SVEP1: variants seen among roughly 807,000 people sequenced by gnomAD.
The protein encoded by SVEP1 is sushi, von Willebrand factor type A, EGF and pentraxin domain-containing protein 1.
SVEP1 carries 164 observed loss-of-function variants against 367.3 expected under a neutral mutation model. The observed-to-expected ratio is 0.45, with a 90% CI of 0.39 to 0.51. SVEP1 has a LOEUF of 0.51. SVEP1 is among the 20% of genes least tolerant of loss of function. SVEP1 has a pLI of 0.00. For synonymous variants in SVEP1, 1,666 were observed against 1,611.6 expected (o/e 1.03, Z -0.81); for missense variants, 4,117 against 4,425.3 (o/e 0.93, Z 1.98).
chr9:110,554,969 C>T (rs191884633), intron 1 of SVEP1, among the ~76,000 whole-genome samples: 103 of 152,170 alleles, frequency 6.8e-4, no homozygotes, highest in Non-Finnish European at 1.2e-3. Flanking sequence ...TTTCCATATT[C>T]GAAGGGTAAC....
chr9:110,435,442 T>C (rs982540615), intron 28 of SVEP1, 78 bp from the exon 29 acceptor site: 6 of 1,514,410 alleles, frequency 4.0e-6, no homozygotes, highest in Non-Finnish European at 4.4e-6. Context: ...TTTAGTCCTA[T>C]TGAAAACATT....
Position 110,403,640 on chromosome 9 carries a change from T to TA in SVEP1, c.9666+686dup, listed in dbSNP as rs370083824. On this transcript the variant is annotated intron_variant, in intron 39 of 47. Transcript: ENST00000374469. Reference sequence around the variant, plus strand: ...TCAAACTAAAAGTGCCAAAATTAGGTAAAAAAAATGTGAAAATATCTATAA... The same window carrying TA: ...TCAAACTAAAAGTGCCAAAATTAGGTAAAAAAAAATGTGAAAATATCTATAA... 1.4e-3 allele frequency among the ~76,000 whole-genome samples: 213 copies of TA among 151,556 alleles called. 1 individual carries two copies. Among genetic ancestry groups the TA allele is most frequent in the African/African-American group, 4.5e-3 (184 of 41,348 alleles).
chr9:110,478,766 T>G (rs1339504372), intron 13 of SVEP1, among the ~76,000 whole-genome samples: 2 of 152,314 alleles, frequency 1.3e-5, no homozygotes, highest in East Asian at 3.9e-4. Flanking sequence ...GGTGTACTTG[T>G]AACGTGCTTG....
At chr9:110,430,107 CTTTTTT>C in intron 33 of SVEP1, 103 bp from the exon 34 acceptor site, 1 of 964,326 alleles carries the variant, frequency 1.0e-6, no homozygotes, top group Non-Finnish European at 1.5e-6. Context: ...TGTTTGTTTT[CTTTTTT>C]TTTTTTTTTG....
intron 16 of SVEP1, among the ~76,000 whole-genome samples, chr9:110,470,523 C>G (rs75349704): frequency 6.6e-6 from 1 of 151,888 alleles, no homozygotes; most frequent in Non-Finnish European, 1.5e-5. Flanking sequence ...GCCTTGACTT[C>G]TGGGGCTCAA....
At position 110,366,352 on chromosome 9, in the gene SVEP1, T is replaced by A. The variant is rs1415915451; in HGVS notation, c.*187A>T. ...ACAGGCATATTTAAAAATGGAAACA[T>A]GTAAGAAAGTATGTCACAAGGAATA... On this transcript the variant is annotated 3_prime_UTR_variant, in exon 48 of 48. Transcript: ENST00000374469. The A allele has an allele frequency of 4.4e-6, 2 of 453,088 alleles. No individual in the cohort carries two copies. The highest frequency in any genetic ancestry group is 7.5e-6 in the Non-Finnish European group (2 of 265,954). 28.1% of individuals were successfully genotyped at this position (453,088 alleles called of 1,614,324 possible). A position where few individuals can be genotyped will look rare whatever the true frequency, so the allele number is the denominator to read the frequency against.
chr9:110,452,016 A>T (rs1228695275), intron 22 of SVEP1, among the ~76,000 whole-genome samples: 1 of 152,232 alleles, frequency 6.6e-6, no homozygotes, highest in African/African-American at 2.4e-5. Context: ...CTTCATGTTC[A>T]AGAAAAGACG....
intron 5 of SVEP1, among the ~76,000 whole-genome samples, 190 bp from the exon 6 acceptor site, chr9:110,503,407 A>G (rs1221255040): frequency 6.6e-6 from 1 of 152,200 alleles, no homozygotes; most frequent in Non-Finnish European, 1.5e-5. Context: ...TACCAAATGC[A>G]TTGCCTAAAT....
intron 40 of SVEP1, among the ~76,000 whole-genome samples, chr9:110,396,721 G>A (rs1376321606): frequency 7.9e-5 from 12 of 151,424 alleles, no homozygotes; most frequent in Admixed American, 1.3e-4. Flanking sequence ...ACACCTCTAG[G>A]CAAATAAACT....
intron 3 of SVEP1, among the ~76,000 whole-genome samples, chr9:110,515,952 T>C (rs993202503): frequency 1.3e-5 from 2 of 152,042 alleles, no homozygotes; most frequent in African/African-American, 4.8e-5. Context: ...AGAGTTTAAA[T>C]AACTTGTCAT....
chr9:110,557,786 C>A (rs879859812), intron 1 of SVEP1, among the ~76,000 whole-genome samples: 2 of 151,938 alleles, frequency 1.3e-5, no homozygotes, highest in African/African-American at 2.4e-5. Context: ...AGCTGATAAC[C>A]CACCCAAATG....
chr9:110,507,423 A>G (rs1207435063), intron 5 of SVEP1, among the ~76,000 whole-genome samples: 2 of 152,242 alleles, frequency 1.3e-5, no homozygotes, highest in Admixed American at 1.3e-4. Flanking sequence ...AATTTATTCT[A>G]CAATGAACCC....
Position 110,451,353 on chromosome 9 carries a change from T to G in SVEP1, c.3837A>C (p.Leu1279Phe), listed in dbSNP as rs1261105508. 6.2e-7 allele frequency: 1 copy of G among 1,613,792 alleles called. No homozygotes were observed. Among genetic ancestry groups the G allele is most frequent in the South Asian group, 1.1e-5 (1 of 91,076 alleles). The change falls in exon 23 of 48, where the codon TTA (leucine) becomes TTC (phenylalanine). Residue 1279 changes from leucine to phenylalanine, a missense_variant. Around this residue, in one of 4 missense-constraint regions of SVEP1, gnomAD observed 2,174 missense variants for 2,494.3 expected, o/e 0.87. Transcript: ENST00000374469. ...NINECSSSPC[L>F]NKGICVDGVA... is the part of the protein sequence containing the mutation. ...CACCATCAACACAGATTCCTTTATT[T>G]AAACAAGGACTGGAGCTACACTCAT...
chr9:110,398,553 G>GCAAC (rs541034883), intron 40 of SVEP1, among the ~76,000 whole-genome samples: 270 of 148,680 alleles, frequency 1.8e-3, no homozygotes, highest in African/African-American at 6.3e-3. Flanking sequence ...GAGTGAACAG[G>GCAAC]CAACCTACAG....
chr9:110,389,035 G>GATAAAGTTATGTGC (rs1434746106), intron 41 of SVEP1, among the ~76,000 whole-genome samples: 3 of 152,126 alleles, frequency 2.0e-5, no homozygotes, highest in Non-Finnish European at 4.4e-5. Flanking sequence ...GAATACTGGG[G>GATAAAGTTATGTGC]ATAAAGTTAT....
At chr9:110,553,835 T>C (rs1830321785) in intron 1 of SVEP1, among the ~76,000 whole-genome samples, 1 of 152,200 alleles carries the variant, frequency 6.6e-6, no homozygotes, top group African/African-American at 2.4e-5. Context: ...ATTCTTCCAG[T>C]TGCTCGAGCA....
At chr9:110,402,161 C>G (rs1208684335) in intron 39 of SVEP1, among the ~76,000 whole-genome samples, 1 of 151,992 alleles carries the variant, frequency 6.6e-6, no homozygotes, top group Non-Finnish European at 1.5e-5. Context: ...TTATTTTAAT[C>G]ATTTATTAAT....
At chr9:110,567,825 T>G (rs1362963177) in intron 1 of SVEP1, among the ~76,000 whole-genome samples, 1 of 152,182 alleles carries the variant, frequency 6.6e-6, no homozygotes, top group Non-Finnish European at 1.5e-5. Context: ...AGACATCCCC[T>G]GCCAGCATCT....
Position 110,365,702 on chromosome 9 carries a change from T to C in SVEP1, c.*837A>G, listed in dbSNP as rs189348248. 2.5e-3 allele frequency: 379 copies of C among 152,378 alleles called. 1 individual carries two copies. Among genetic ancestry groups the C allele is most frequent in the Non-Finnish European group, 4.1e-3 (279 of 68,080 alleles). The allele number at this position is 152,378 out of a possible 1,614,324, so 9.4% of individuals were successfully genotyped here. ...TGGGGAATGTTTCCCATTTGCCTTT[T>C]TCCTTCTCTTTCCCTGTCTTCCCCT... On this transcript the variant is annotated 3_prime_UTR_variant, in exon 48 of 48. Transcript: ENST00000374469.
Sources: gnomAD v4.1 joint callset for allele counts (sites outside exome capture counted in the v4.1 genomes callset) on GRCh38, gnomAD v4.1.1 for gene constraint, gnomAD v4.1.1 regional missense constraint, MANE v1.5 for transcripts, NCBI Gene and HGNC (gene_info 2026-07-23, HGNC 2026-07-21) for gene names.